CCDC167: variants seen among roughly 807,000 people sequenced by gnomAD.
CCDC167 encodes coiled-coil domain containing 167, also known as coiled-coil domain-containing protein 167.
Under a neutral mutation model 12.7 loss-of-function variants are expected in CCDC167, and 15 were observed. That is an observed-to-expected ratio of 1.18 (90% CI 0.79 to 1.81). The LOEUF (loss-of-function observed/expected upper bound fraction) is 1.81. CCDC167 is among the 40% of genes most tolerant of loss of function. The pLI, the probability that CCDC167 is intolerant of heterozygous loss-of-function variation, is 0.00. For synonymous variants in CCDC167, 52 were observed against 49.0 expected (o/e 1.06, Z -0.26); for missense variants, 121 against 120.1 (o/e 1.01, Z -0.03).
At chr6:37,487,662 G>C (rs1456911776) in intron 1 of CCDC167, among the ~76,000 whole-genome samples, 3 of 152,214 alleles carry the variant, frequency 2.0e-5, no homozygotes, top group African/African-American at 7.2e-5. Flanking sequence ...GCCCAAACAA[G>C]TGGTAATTGC....
chr6:37,491,352 C>T (rs1271472302), intron 1 of CCDC167, among the ~76,000 whole-genome samples: 1 of 152,224 alleles, frequency 6.6e-6, no homozygotes, highest in Non-Finnish European at 1.5e-5. Context: ...CCTAATGAAC[C>T]ACTGTCTAGG....
At chr6:37,493,989 G>C (rs1000434788) in intron 1 of CCDC167, among the ~76,000 whole-genome samples, 1 of 151,506 alleles carries the variant, frequency 6.6e-6, no homozygotes, top group Admixed American at 6.6e-5. Context: ...CAAGCCTTCC[G>C]GTGCTCTTCC....
In CCDC167 at chr6:37,484,835, G is replaced by C. The variant is rs201306636; in HGVS notation, c.165C>G (p.Ser55Arg). Residue 55 changes from serine to arginine, a missense_variant, in exon 3 of 4, where the codon AGC (serine) becomes AGG (arginine). Ser to Arg is a moderately radical substitution (Grantham distance 110). Coordinates refer to ENST00000373408, the MANE Select transcript of CCDC167 (RefSeq NM_138493.3). Reference sequence around the variant, plus strand: ...CGTAGTTGGAGGCTTTGTTCATTAGGCTGTTTTTCTCCTTCTCCAGGGACC... The same window carrying C: ...CGTAGTTGGAGGCTTTGTTCATTAGCCTGTTTTTCTCCTTCTCCAGGGACC... Reference protein sequence around the residue: ...ARRSLEKEKNSLMNKASNYEK... With the variant: ...ARRSLEKEKNRLMNKASNYEK... The C allele has an allele frequency of 6.2e-7, 1 of 1,614,252 alleles. No homozygotes were observed. Among genetic ancestry groups the C allele is most frequent in the African/African-American group, 1.3e-5 (1 of 75,068 alleles).
chr6:37,495,797 C>A (rs1050652917), intron 1 of CCDC167, among the ~76,000 whole-genome samples: 2 of 152,176 alleles, frequency 1.3e-5, no homozygotes, highest in South Asian at 4.1e-4. Context: ...TTGCACTCGT[C>A]AGATTAACAA....
At chr6:37,487,151 C>G (rs2113905303) in intron 1 of CCDC167, among the ~76,000 whole-genome samples, 2 of 152,296 alleles carry the variant, frequency 1.3e-5, no homozygotes, top group South Asian at 4.1e-4. Flanking sequence ...CTCTAGGGGT[C>G]TCTAAATGGT....
At chr6:37,488,352 C>G (rs1317808439) in intron 1 of CCDC167, among the ~76,000 whole-genome samples, 1 of 152,114 alleles carries the variant, frequency 6.6e-6, no homozygotes, top group Non-Finnish European at 1.5e-5. Flanking sequence ...AAAGGAAGTC[C>G]CGACTTGGAT....
intron 1 of CCDC167, among the ~76,000 whole-genome samples, chr6:37,494,056 C>CTTTTTTTTTTTTTT (rs70977666): frequency 1.1e-5 from 1 of 91,384 alleles, no homozygotes; most frequent in African/African-American, 4.3e-5. Context: ...GTGATCCTGC[C>CTTTTTTTTTTTTTT]TTTTTTTTTT....
At chr6:37,483,671 T>G (rs954441690) in intron 3 of CCDC167, among the ~76,000 whole-genome samples, 1 of 152,196 alleles carries the variant, frequency 6.6e-6, no homozygotes, top group Non-Finnish European at 1.5e-5. Context: ...TCAAGGCATC[T>G]CATCCGCCAA....
intron 1 of CCDC167, among the ~76,000 whole-genome samples, chr6:37,488,817 A>G (rs879383608): frequency 2.6e-5 from 4 of 152,266 alleles, no homozygotes; most frequent in Non-Finnish European, 5.9e-5. Flanking sequence ...TGCCCAGAAC[A>G]TGCTTTACAT....
intron 1 of CCDC167, among the ~76,000 whole-genome samples, chr6:37,492,137 C>T (rs887002992): frequency 2.0e-5 from 3 of 152,196 alleles, no homozygotes; most frequent in Non-Finnish European, 4.4e-5. Flanking sequence ...TGCCCAAGGT[C>T]GTGTAACTGG....
chr6:37,487,734 C>A (rs955240278), intron 1 of CCDC167, among the ~76,000 whole-genome samples: 4 of 152,244 alleles, frequency 2.6e-5, no homozygotes, highest in Middle Eastern at 3.2e-3. Flanking sequence ...GTTGGCAAAC[C>A]ACAAGTGGCC....
At chr6:37,490,139 C>T (rs1398202419) in intron 1 of CCDC167, among the ~76,000 whole-genome samples, 1 of 152,220 alleles carries the variant, frequency 6.6e-6, no homozygotes, top group African/African-American at 2.4e-5. Context: ...TGGTATGAAC[C>T]CACTGTCAGC....
chr6:37,493,580 C>T (rs1211057393), intron 1 of CCDC167, among the ~76,000 whole-genome samples: 1 of 152,250 alleles, frequency 6.6e-6, no homozygotes, highest in Non-Finnish European at 1.5e-5. Flanking sequence ...CTGTCGCTCT[C>T]GCCTGGCAGC....
chr6:37,493,992 G>T (rs1762064429), intron 1 of CCDC167, among the ~76,000 whole-genome samples: 1 of 150,522 alleles, frequency 6.6e-6, no homozygotes, highest in Non-Finnish European at 1.5e-5. Flanking sequence ...GCCTTCCGGT[G>T]CTCTTCCTGG....
chr6:37,495,992 TG>T (rs1762092714), intron 1 of CCDC167, among the ~76,000 whole-genome samples: 1 of 152,146 alleles, frequency 6.6e-6, no homozygotes, highest in Non-Finnish European at 1.5e-5. Flanking sequence ...CGGTTACAGA[TG>T]TCAAATCTTC....
intron 1 of CCDC167, among the ~76,000 whole-genome samples, chr6:37,494,373 T>C (rs1223022329): frequency 1.3e-5 from 2 of 152,196 alleles, no homozygotes; most frequent in African/African-American, 4.8e-5. Flanking sequence ...GATCCTGCCC[T>C]CTTTTTCTGG....
intron 1 of CCDC167, among the ~76,000 whole-genome samples, chr6:37,493,288 G>A (rs553243028): frequency 6.6e-5 from 10 of 152,358 alleles, no homozygotes; most frequent in African/African-American, 2.2e-4. Context: ...TCCCTGGGCC[G>A]GAAGGTGGTG....
chr6:37,483,747 C>T (rs1471630454), intron 3 of CCDC167, among the ~76,000 whole-genome samples: 5 of 152,306 alleles, frequency 3.3e-5, no homozygotes, highest in East Asian at 3.9e-4. Flanking sequence ...GGTGGGGCCA[C>T]GTGTTTCCTG....
At chr6:37,484,405 C>T (rs564770197) in intron 3 of CCDC167, among the ~76,000 whole-genome samples, 138 of 152,026 alleles carry the variant, frequency 9.1e-4, no homozygotes, top group African/African-American at 3.1e-3. Context: ...GGAGCCCTTG[C>T]CGTACCCAAG....
Sources: gnomAD v4.1 joint callset for allele counts (sites outside exome capture counted in the v4.1 genomes callset) on GRCh38, gnomAD v4.1.1 for gene constraint, MANE v1.5 for transcripts, NCBI Gene and HGNC (gene_info 2026-07-23, HGNC 2026-07-21) for gene names.